KHDRBS2: variants seen among roughly 807,000 people sequenced by gnomAD.
KHDRBS2 encodes KH domain-containing, RNA-binding, signal transduction-associated protein 2.
A neutral mutation model predicts 44.3 loss-of-function variants in KHDRBS2; 26 were observed. The ratio of observed to expected loss-of-function variants is 0.59; its 90% CI spans 0.43 to 0.81. KHDRBS2 has a LOEUF of 0.81. KHDRBS2 is among the 40% of genes least tolerant of loss of function. The probability of loss-of-function intolerance (pLI) is 0.00; values close to 1 mark genes in which losing one functional copy is unlikely to be tolerated. For synonymous variants in KHDRBS2, 194 were observed against 151.1 expected, an observed-to-expected ratio of 1.28 and a Z score of -2.08; for missense variants, 476 against 433.1, an observed-to-expected ratio of 1.10 and a Z score of -0.88.
chr6:61,628,248 G>T, the KHDRBS2 span, among the ~76,000 whole-genome samples: 1 of 105,838 alleles, frequency 9.4e-6, no homozygotes, highest in Non-Finnish European at 1.7e-5. Context: ...TTTTCAACCT[G>T]GGCTGTTTCA....
At chr6:61,859,193 G>T (rs1796562893) in intron 6 of KHDRBS2, among the ~76,000 whole-genome samples, 1 of 151,800 alleles carries the variant, frequency 6.6e-6, no homozygotes, top group Non-Finnish European at 1.5e-5. Flanking sequence ...TGATTACAAG[G>T]TGTGATTCTG....
intron 6 of KHDRBS2, among the ~76,000 whole-genome samples, chr6:61,864,102 T>C (rs781016075): frequency 2.6e-5 from 4 of 152,158 alleles, no homozygotes; most frequent in Admixed American, 6.6e-5. Context: ...GAAACTGGGA[T>C]TGCGATCCCT....
chr6:61,855,394 G>A (rs1287242806), intron 6 of KHDRBS2, among the ~76,000 whole-genome samples: 1 of 151,696 alleles, frequency 6.6e-6, no homozygotes, highest in Non-Finnish European at 1.5e-5. Context: ...ATTTACTTAT[G>A]TGCCTTAGCT....
chr6:62,227,618 G>A (rs1488335520), intron 1 of KHDRBS2, among the ~76,000 whole-genome samples: 3 of 152,146 alleles, frequency 2.0e-5, no homozygotes, highest in Non-Finnish European at 2.9e-5. Flanking sequence ...CAAGGGGAAT[G>A]CTTCCAGCTT....
At chr6:62,240,764 G>A (rs1270191742) in intron 1 of KHDRBS2, among the ~76,000 whole-genome samples, 1 of 136,192 alleles carries the variant, frequency 7.3e-6, no homozygotes, top group Non-Finnish European at 1.5e-5. Flanking sequence ...CTTTACCATG[G>A]AAATTATTCT....
At chr6:62,260,479 C>T (rs569763491) in intron 1 of KHDRBS2, among the ~76,000 whole-genome samples, 2 of 151,948 alleles carry the variant, frequency 1.3e-5, no homozygotes, top group Non-Finnish European at 2.9e-5. Context: ...TTTAACAATT[C>T]CACACTATTT....
At chr6:62,108,863 G>A (rs188158370) in intron 2 of KHDRBS2, among the ~76,000 whole-genome samples, 7 of 152,082 alleles carry the variant, frequency 4.6e-5, no homozygotes, top group East Asian at 1.9e-4. Flanking sequence ...ACCAAACACC[G>A]CATGTTCTCA....
chr6:61,720,418 T>C (rs1192129982), intron 7 of KHDRBS2, among the ~76,000 whole-genome samples: 3 of 151,978 alleles, frequency 2.0e-5, no homozygotes, highest in African/African-American at 7.2e-5. Context: ...TTCCTATTTC[T>C]CCACATCCTC....
At chr6:62,219,885 T>C (rs917312252) in intron 1 of KHDRBS2, among the ~76,000 whole-genome samples, 1 of 147,724 alleles carries the variant, frequency 6.8e-6, no homozygotes, top group Non-Finnish European at 1.5e-5. Flanking sequence ...TATATAACTG[T>C]ATATACAATC....
chr6:61,714,507 A>G (rs184871679), intron 7 of KHDRBS2, among the ~76,000 whole-genome samples: 1 of 151,986 alleles, frequency 6.6e-6, no homozygotes, highest in East Asian at 1.9e-4. Flanking sequence ...TAAAAATAGA[A>G]CTGCCATTTG....
Position 61,954,803 on chromosome 6 carries a change from T to C in KHDRBS2, c.483+23263A>G, listed in dbSNP as rs1400942171. 1.7e-4 allele frequency among the ~76,000 whole-genome samples: 16 copies of C among 93,176 alleles called. 2 individuals carry two copies. Among genetic ancestry groups the C allele is most frequent in the African/African-American group, 7.3e-4 (16 of 22,016 alleles). 61.1% of individuals were successfully genotyped at this position (93,176 alleles called of 152,430 possible). On this transcript the variant is annotated intron_variant, in intron 4 of 8. Transcript: ENST00000281156. Reference sequence around the variant, plus strand: ...GTGTATATACACATGCATATGTATGTATACATACGCATGTGTATATACACA... The same window carrying C: ...GTGTATATACACATGCATATGTATGCATACATACGCATGTGTATATACACA...
intron 1 of KHDRBS2, among the ~76,000 whole-genome samples, chr6:62,259,275 T>A (rs887505888): frequency 6.6e-6 from 1 of 152,038 alleles, no homozygotes; most frequent in Non-Finnish European, 1.5e-5. Flanking sequence ...AATATTTATG[T>A]CAGGATCATA....
At chr6:61,799,086 G>A (rs890870317) in intron 6 of KHDRBS2, among the ~76,000 whole-genome samples, 1 of 151,948 alleles carries the variant, frequency 6.6e-6, no homozygotes, top group Admixed American at 6.6e-5. Flanking sequence ...GGGCTATGAG[G>A]CATCAGTCGT....
intron 3 of KHDRBS2, among the ~76,000 whole-genome samples, chr6:62,037,603 G>C (rs6908679): frequency 2.8e-4 from 42 of 152,072 alleles, no homozygotes; most frequent in African/African-American, 8.9e-4. Context: ...AGCAAATAGA[G>C]GGCATTACAA....
At chr6:62,112,336 C>T (rs1023262023) in intron 2 of KHDRBS2, among the ~76,000 whole-genome samples, 2 of 152,028 alleles carry the variant, frequency 1.3e-5, no homozygotes, top group African/African-American at 2.4e-5. Context: ...CAAATTAAAG[C>T]GGCTTTGATG....
chr6:61,942,185 T>C (rs935062731), intron 4 of KHDRBS2, among the ~76,000 whole-genome samples: 2 of 152,060 alleles, frequency 1.3e-5, no homozygotes, highest in African/African-American at 4.8e-5. Flanking sequence ...TCTTGAACTC[T>C]TGGCCTCAAG....
intron 2 of KHDRBS2, among the ~76,000 whole-genome samples, chr6:62,132,583 T>A (rs1810579639): frequency 6.6e-6 from 1 of 152,206 alleles, no homozygotes; most frequent in South Asian, 2.1e-4. Context: ...AGCCTGCGTA[T>A]CTGGAACAAA....
intron 7 of KHDRBS2, among the ~76,000 whole-genome samples, chr6:61,722,329 A>G (rs575959516): frequency 2.6e-5 from 4 of 152,252 alleles, no homozygotes; most frequent in African/African-American, 9.6e-5. Flanking sequence ...ATTTTCCTGA[A>G]CTAGCAATAC....
At chr6:61,690,466 TC>T (rs1461377257) in intron 8 of KHDRBS2, among the ~76,000 whole-genome samples, 2 of 152,016 alleles carry the variant, frequency 1.3e-5, no homozygotes, top group Non-Finnish European at 2.9e-5. Context: ...AAAACACCTT[TC>T]CTATGGCTTG....
Sources: gnomAD v4.1 joint callset for allele counts (sites outside exome capture counted in the v4.1 genomes callset) on GRCh38, gnomAD v4.1.1 for gene constraint, MANE v1.5 for transcripts, NCBI Gene and HGNC (gene_info 2026-07-23, HGNC 2026-07-21) for gene names.